The following UBN1 variants were observed in gnomAD, a reference collection of about 807,000 sequenced individuals.
The protein encoded by UBN1 is ubinuclein 1.
Under a neutral mutation model 108.5 loss-of-function variants are expected in UBN1, and 17 were observed. The observed-to-expected ratio is 0.16, with a 90% CI of 0.11 to 0.24. The LOEUF (loss-of-function observed/expected upper bound fraction) is 0.24. Ranked by LOEUF, UBN1 falls within the 10% of genes least tolerant of loss-of-function variation. The pLI is 1.00. For missense variants in UBN1, 1,595 were observed against 1,394.4 expected, an observed-to-expected ratio of 1.14 and a Z score of -2.29; for synonymous variants, 726 against 564.2, an observed-to-expected ratio of 1.29 and a Z score of -4.07.
intron 6 of UBN1, among the ~76,000 whole-genome samples, chr16:4,860,309 C>G (rs1004121310): frequency 3.3e-5 from 5 of 152,200 alleles, no homozygotes; most frequent in Non-Finnish European, 5.9e-5. Flanking sequence ...TGGTCTCACC[C>G]CAGCTTCTCT....
chr16:4,857,218 T>C (rs192911748), intron 2 of UBN1, among the ~76,000 whole-genome samples: 7 of 151,882 alleles, frequency 4.6e-5, no homozygotes, highest in Admixed American at 4.6e-4. Context: ...GGCATAGTGT[T>C]GTATGCCTAT....
chr16:4,853,751 G>C (rs1248679075), intron 2 of UBN1, among the ~76,000 whole-genome samples: 1 of 151,908 alleles, frequency 6.6e-6, no homozygotes, highest in Non-Finnish European at 1.5e-5. Flanking sequence ...TAGTAGAGAT[G>C]GCGTTTCACT....
rs1295641842 is a variant in UBN1 at position 4,877,331 on chromosome 16, TC to T, written c.3266-52del. On this transcript the variant is annotated intron_variant, in intron 16 of 17. Coordinates refer to ENST00000262376, the MANE Select transcript of UBN1 (RefSeq NM_001079514.3). The surrounding 1 kb of genome is among the most constrained non-coding windows in gnomAD (Gnocchi z 4.3). ...TTGGCTGCTGGAGCTGCTTTCCTGT[TC>T]CTGTCTTCAATGTGTGTGTTTTGTT... The T allele has an allele frequency of 1.7e-5, 26 of 1,573,936 alleles. No individual in the cohort carries two copies. Among genetic ancestry groups the T allele is most frequent in the Middle Eastern group, 3.4e-4 (2 of 5,950 alleles).
intron 2 of UBN1, 112 bp downstream of exon 2, chr16:4,853,278 C>T: frequency 7.0e-7 from 1 of 1,423,520 alleles, no homozygotes; most frequent in Non-Finnish European, 9.4e-7. Flanking sequence ...TTGGCTGCCC[C>T]AAGATCCTGT....
chr16:4,880,052 T>A (rs374335309), intron 17 of UBN1, 31 bp from the exon 18 acceptor site: 35 of 1,613,332 alleles, frequency 2.2e-5, no homozygotes, highest in Middle Eastern at 1.6e-4. Flanking sequence ...CATGAAAAAC[T>A]TGCGTTCTAA....
intron 15 of UBN1, among the ~76,000 whole-genome samples, chr16:4,876,227 G>C (rs2087877508): frequency 6.6e-6 from 1 of 151,954 alleles, no homozygotes; most frequent in Admixed American, 6.6e-5. Context: ...CAAAGTGCTG[G>C]GATTGCAGGT....
At position 4,863,762 on chromosome 16, in the gene UBN1, C is replaced by A. The variant is rs557075154; in HGVS notation, c.1110+2660C>A. Among the ~76,000 whole-genome samples, 469 of 152,280 alleles carry A rather than the reference C, an allele frequency of 3.1e-3. 1 individual carries two copies. Among genetic ancestry groups the A allele is most frequent in the Non-Finnish European group, 5.2e-3 (352 of 68,042 alleles). Reference sequence around the variant, plus strand: ...TTCGTTTCTCCTGACTCTGGGCCAACGCTCATGGCTGCATTCAGCTGGCAA... The same window carrying A: ...TTCGTTTCTCCTGACTCTGGGCCAAAGCTCATGGCTGCATTCAGCTGGCAA... On this transcript the variant is annotated intron_variant, in intron 7 of 17. Coordinates refer to ENST00000262376, the MANE Select transcript of UBN1 (RefSeq NM_001079514.3).
In UBN1 at chr16:4,877,233, G is replaced by C; in HGVS notation, c.3265+122G>C. On this transcript the variant is annotated intron_variant, in intron 16 of 17. Transcript: ENST00000262376. This position sits in a 1 kb window ranked among gnomAD's most constrained non-coding sequence, Gnocchi z 4.3. ...GTGTGTGACTGTGGGGAACATCTCC[G>C]GGAACTGTGCCAAGCCCCCACTGCC... 6.6e-7 allele frequency: 1 copy of C among 1,514,008 alleles called. No individual in the cohort carries two copies. The highest frequency in any genetic ancestry group is 8.8e-7 in the Non-Finnish European group (1 of 1,132,054). The allele number at this position is 1,514,008 out of a possible 1,614,324, so 93.8% of individuals were successfully genotyped here.
In UBN1 at chr16:4,880,191, C is replaced by A. The variant is rs998053333; in HGVS notation, c.*59C>A. ...GGGTGGAATCAGAACGTGCAGGTCT[C>A]CCAGGATGTACACTCACTGCGCCCT... On this transcript the variant is annotated 3_prime_UTR_variant, in exon 18 of 18. Transcript: ENST00000262376. The A allele has an allele frequency of 1.9e-6, 3 of 1,568,698 alleles. No homozygotes were observed. The African/African-American group carries it at 4.1e-5, about 21-fold the overall frequency.
intron 7 of UBN1, among the ~76,000 whole-genome samples, chr16:4,863,004 T>C (rs990342866): frequency 1.3e-5 from 2 of 152,214 alleles, no homozygotes; most frequent in Non-Finnish European, 2.9e-5. Flanking sequence ...GTGAAGTTGA[T>C]ATTCGAGTCT....
In UBN1 at chr16:4,877,799, A is replaced by G. The variant is rs946909218; in HGVS notation, c.3355+325A>G. 1.6e-4 allele frequency: 48 copies of G among 296,576 alleles called. No homozygotes were observed. Among genetic ancestry groups the G allele is most frequent in the Middle Eastern group, 1.6e-3 (1 of 642 alleles). 18.4% of individuals were successfully genotyped at this position (296,576 alleles called of 1,614,324 possible). On this transcript the variant is annotated intron_variant, in intron 17 of 17. Coordinates refer to ENST00000262376, the MANE Select transcript of UBN1 (RefSeq NM_001079514.3). The surrounding 1 kb of genome is among the most constrained non-coding windows in gnomAD (Gnocchi z 4.3). ...CGGCTTGTTTTTTTCTCTTCAGTTT[A>G]AAAAAAAAAAAAAAGGGAAGGTAAT...
Position 4,874,292 on chromosome 16 carries a change from C to G in UBN1, c.1882C>G (p.Gln628Glu), listed in dbSNP as rs1468586697. ...CCCCATTGCTTTGCCCTCAGATCAC[C>G]AAACAGGAGGCCTGAGTATTGGGGC... ...GGPIALPSDHQTGGLSIGASS... is the reference protein window; with the variant it reads ...GGPIALPSDHETGGLSIGASS... Residue 628 changes from glutamine to glutamate, a missense_variant, in exon 15 of 18, where the codon CAA (glutamine) becomes GAA (glutamate). Transcript: ENST00000262376. 6.2e-7 allele frequency: 1 copy of G among 1,613,974 alleles called. No individual in the cohort carries two copies. The highest frequency in any genetic ancestry group is 1.3e-5 in the African/African-American group (1 of 75,046).
intron 13 of UBN1, 41 bp from the exon 14 acceptor site, chr16:4,872,990 G>A (rs767742957): frequency 1.9e-6 from 3 of 1,614,176 alleles, no homozygotes; most frequent in South Asian, 1.1e-5. Context: ...GGTCTCCTCT[G>A]GATATTCTCT....
Position 4,874,824 on chromosome 16 carries a change from A to C in UBN1, c.2414A>C (p.Lys805Thr), listed in dbSNP as rs746542170. Reference protein sequence around the residue: ...VAVPVPGPQVKVFHAGTQQQK... With the variant: ...VAVPVPGPQVTVFHAGTQQQK... Reference sequence around the variant, plus strand: ...GTTCCTGTGCCTGGCCCCCAGGTCAAAGTCTTTCATGCCGGCACTCAGCAG... The same window carrying C: ...GTTCCTGTGCCTGGCCCCCAGGTCACAGTCTTTCATGCCGGCACTCAGCAG... Residue 805 changes from lysine (K) to threonine (T), a missense_variant, in exon 15 of 18, where the codon AAA becomes ACA. Lys to Thr is a moderately conservative substitution (Grantham distance 78, BLOSUM62 -1). Coordinates refer to ENST00000262376, the MANE Select transcript of UBN1 (RefSeq NM_001079514.3). 6.2e-7 allele frequency: 1 copy of C among 1,613,948 alleles called. No individual in the cohort carries two copies. The highest frequency in any genetic ancestry group is 1.3e-5 in the African/African-American group (1 of 74,916).
At position 4,874,436 on chromosome 16, in the gene UBN1, G is replaced by C; in HGVS notation, c.2026G>C (p.Val676Leu). The C allele has an allele frequency of 1.2e-6, 2 of 1,614,100 alleles. No homozygotes were observed. Among genetic ancestry groups the C allele is most frequent in the Non-Finnish European group, 1.7e-6 (2 of 1,180,008 alleles). The change falls in exon 15 of 18, where the codon GTG becomes CTG. Residue 676 changes from valine to leucine, a missense_variant. Val to Leu is a conservative substitution (Grantham distance 32). This residue lies in a region of UBN1 where 1,398 missense variants were observed against 1,194.7 expected (regional missense o/e 1.17). Coordinates refer to ENST00000262376, the MANE Select transcript of UBN1 (RefSeq NM_001079514.3). ...CAATCCAGCCTCCTCGGTGGAAGCC[G>C]TGTCCAAGGAATTGGCTGCATTGAA... Reference protein sequence around the residue: ...IRNPASSVEAVSKELAALNSR... With the variant: ...IRNPASSVEALSKELAALNSR...
At chr16:4,864,109 C>CT (rs2087205050) in intron 7 of UBN1, among the ~76,000 whole-genome samples, 1 of 110,174 alleles carries the variant, frequency 9.1e-6, no homozygotes, top group Non-Finnish European at 1.7e-5. Flanking sequence ...GAGACAGAGT[C>CT]TGACTCCATC....
intron 2 of UBN1, 117 bp downstream of exon 2, chr16:4,853,283 T>A (rs1457668808): frequency 2.9e-6 from 4 of 1,383,446 alleles, no homozygotes; most frequent in Non-Finnish European, 3.9e-6. Context: ...TGCCCCAAGA[T>A]CCTGTCACTC....
At chr16:4,868,016 T>C (rs8056320) in intron 7 of UBN1, among the ~76,000 whole-genome samples, 82,360 of 151,974 alleles carry the variant, frequency 0.54, 23,221 homozygotes, top group African/African-American at 0.69. Flanking sequence ...TTTGAGAGTG[T>C]GCATTCCTGA....
chr16:4,860,058 G>C lies in UBN1; in HGVS notation c.671+90G>C, dbSNP rs996694980. The C allele has an allele frequency of 4.5e-6, 7 of 1,542,136 alleles. No individual in the cohort carries two copies. The African/African-American group carries it at 8.3e-5, about 18-fold the overall frequency. ...TGACTCACCTCCTCCCCACAGCTTCGGAAGAGGCAGCAGGGCCTGGCCTTC... is the reference window on the plus strand; with the variant it reads ...TGACTCACCTCCTCCCCACAGCTTCCGAAGAGGCAGCAGGGCCTGGCCTTC... On this transcript the variant is annotated intron_variant, in intron 6 of 17. Coordinates refer to ENST00000262376, the MANE Select transcript of UBN1 (RefSeq NM_001079514.3).
Sources: allele counts gnomAD v4.1 joint callset (sites outside exome capture counted in the v4.1 genomes callset), GRCh38; gene constraint gnomAD v4.1.1; regional missense constraint gnomAD v4.1.1; non-coding constraint Gnocchi (gnomAD v3.1); transcripts MANE v1.5; gene names NCBI Gene and HGNC (gene_info 2026-07-23, HGNC 2026-07-21).